Variants in VPS35L observed in about 807,000 individuals in gnomAD.
VPS35L encodes VPS35 endosomal protein-sorting factor-like.
Under a neutral mutation model 133.0 loss-of-function variants are expected in VPS35L, and 83 were observed. The observed-to-expected ratio is 0.62, with a 90% CI of 0.52 to 0.75. The LOEUF (loss-of-function observed/expected upper bound fraction) is 0.75, where lower values mean the gene tolerates loss of function less well. VPS35L is among the 30% of genes least tolerant of loss of function. The pLI is 0.00. For missense variants in VPS35L, 1,083 were observed against 1,206.8 expected, an observed-to-expected ratio of 0.90 and a Z score of 1.52; for synonymous variants, 423 against 449.9, an observed-to-expected ratio of 0.94 and a Z score of 0.76.
intron 27 of VPS35L, among the ~76,000 whole-genome samples, chr16:19,671,691 C>T (rs1240042818): frequency 6.6e-6 from 1 of 151,952 alleles, no homozygotes; most frequent in African/African-American, 2.4e-5. Context: ...GCAGGAGAAT[C>T]GCTTGAACCT....
At chr16:19,645,148 A>G (rs1973899878) in intron 23 of VPS35L, among the ~76,000 whole-genome samples, 199 bp downstream of exon 23, 1 of 151,992 alleles carries the variant, frequency 6.6e-6, no homozygotes, top group African/African-American at 2.4e-5. Context: ...TTAAGAGGAA[A>G]AAGGTGGGGG....
chr16:19,619,846 T>G (rs1333828445), intron 14 of VPS35L, among the ~76,000 whole-genome samples: 4 of 152,166 alleles, frequency 2.6e-5, no homozygotes, highest in Non-Finnish European at 5.9e-5. Context: ...GAAGGTGGTG[T>G]TAAAGGTGCA....
rs1168599151 is a variant in VPS35L, at chr16:19,652,077, G to A, written c.2208G>A (p.Gln736=). The A allele has an allele frequency of 1.3e-6, 2 of 1,596,424 alleles. No individual in the cohort carries two copies. Among genetic ancestry groups the A allele is most frequent in the South Asian group, 1.1e-5 (1 of 89,170 alleles). ...LHSGQVALAN[Q]CLSQADAFFK... ...CTGGTCAGGTGGCCTTGGCCAACCA[G>A]TGCCTCTCCCAAGGTAAGTCCATCA... The change falls in exon 26 of 31, where the codon CAG becomes CAA. Residue 736 remains glutamine (Q), a synonymous_variant. Coordinates refer to ENST00000417362, the MANE Select transcript of VPS35L (RefSeq NM_020314.7).
chr16:19,666,404 A>T (rs188405061), intron 26 of VPS35L, among the ~76,000 whole-genome samples: 111 of 152,354 alleles, frequency 7.3e-4, no homozygotes, highest in Admixed American at 2.6e-3. Context: ...TTAAACTATA[A>T]GGATAAACTG....
At chr16:19,567,232 T>G (rs915063153) in intron 2 of VPS35L, among the ~76,000 whole-genome samples, 11 of 152,158 alleles carry the variant, frequency 7.2e-5, no homozygotes, top group African/African-American at 2.7e-4. Context: ...CATAACAGAA[T>G]AGCTGAGAAG....
In VPS35L at chr16:19,680,946, A is replaced by T. The variant is rs531822293; in HGVS notation, c.2362-1279A>T. On this transcript the variant is annotated intron_variant, in intron 27 of 30. Coordinates refer to ENST00000417362, the MANE Select transcript of VPS35L (RefSeq NM_020314.7). ...CCCTAAAAAAACAGGATGATTTGTG[A>T]TGAAGAGAGAGTAAGAGGACTGCAG... is the stretch of plus-strand genomic sequence containing the variant. Among the ~76,000 whole-genome samples the T allele has an allele frequency of 5.9e-5, 8 of 136,090 alleles. No individual in the cohort carries two copies. The South Asian group carries it at 2.1e-3, about 35-fold the overall frequency. The allele number at this position is 136,090 out of a possible 152,430, so 89.3% of individuals were successfully genotyped here. A position where few individuals can be genotyped will look rare whatever the true frequency, so the allele number is the denominator to read the frequency against.
At position 19,608,957 on chromosome 16, in the gene VPS35L, A is replaced by G; in HGVS notation, c.882-17A>G. ...GACCTTCTGGAAAACATCTTCCTTAACAGGATGTTTTTGTAGTTACGTGGA... is the reference window on the plus strand; with the variant it reads ...GACCTTCTGGAAAACATCTTCCTTAGCAGGATGTTTTTGTAGTTACGTGGA... On this transcript the variant is annotated splice_polypyrimidine_tract_variant and intron_variant, in intron 10 of 30. Transcript: ENST00000417362. The G allele has an allele frequency of 1.2e-6, 2 of 1,611,036 alleles. No homozygotes were observed. Among genetic ancestry groups the G allele is most frequent in the Non-Finnish European group, 1.7e-6 (2 of 1,177,364 alleles).
At chr16:19,557,947 A>G (rs1032043730) in intron 1 of VPS35L, among the ~76,000 whole-genome samples, 3 of 152,074 alleles carry the variant, frequency 2.0e-5, no homozygotes, top group African/African-American at 7.2e-5. Context: ...GCTACTTAGG[A>G]GGCTGAAGTG....
intron 9 of VPS35L, among the ~76,000 whole-genome samples, chr16:19,603,250 T>C (rs1972442367): frequency 6.6e-6 from 1 of 152,168 alleles, no homozygotes; most frequent in Non-Finnish European, 1.5e-5. Context: ...TGCCACCAGC[T>C]ACTGAGAGCC....
chr16:19,562,916 A>G (rs1402847747), intron 1 of VPS35L, among the ~76,000 whole-genome samples: 1 of 151,780 alleles, frequency 6.6e-6, no homozygotes, highest in Non-Finnish European at 1.5e-5. Flanking sequence ...CACCACACCC[A>G]GCAAATTTAT....
At chr16:19,583,947 T>G (rs1440216378) in intron 7 of VPS35L, among the ~76,000 whole-genome samples, 3 of 152,208 alleles carry the variant, frequency 2.0e-5, no homozygotes, top group Non-Finnish European at 4.4e-5. Context: ...CTCCCACATA[T>G]GAGTGAGGAC....
At chr16:19,585,065 A>AC (rs1971822104) in intron 7 of VPS35L, among the ~76,000 whole-genome samples, 1 of 152,322 alleles carries the variant, frequency 6.6e-6, no homozygotes, top group Admixed American at 6.5e-5. Context: ...ACATCATATT[A>AC]CATGTGGGTA....
chr16:19,610,821 G>A (rs1038149494), intron 12 of VPS35L, among the ~76,000 whole-genome samples: 2 of 152,054 alleles, frequency 1.3e-5, no homozygotes, highest in African/African-American at 4.8e-5. Context: ...GGGGAGCAGT[G>A]TCCCACATGA....
At chr16:19,581,913 C>T (rs997784732) in intron 7 of VPS35L, 8 of 497,558 alleles carry the variant, frequency 1.6e-5, no homozygotes, top group Non-Finnish European at 2.5e-5. Flanking sequence ...GGTTACAGAA[C>T]TGATGATACC....
At chr16:19,621,920 G>T (rs1338089809) in intron 14 of VPS35L, among the ~76,000 whole-genome samples, 1 of 152,088 alleles carries the variant, frequency 6.6e-6, no homozygotes, top group East Asian at 1.9e-4. Context: ...ATTTGCCCTA[G>T]TTAATCTTTC....
chr16:19,596,110 G>A (rs1055161018), intron 8 of VPS35L, among the ~76,000 whole-genome samples: 14 of 152,142 alleles, frequency 9.2e-5, no homozygotes, highest in African/African-American at 3.4e-4. Context: ...AGATGGGTCT[G>A]GTTGTTGTCC....
At chr16:19,625,669 G>A (rs1376969259) in intron 14 of VPS35L, among the ~76,000 whole-genome samples, 1 of 152,218 alleles carries the variant, frequency 6.6e-6, no homozygotes, top group Non-Finnish European at 1.5e-5. Flanking sequence ...CCTAGCTTCT[G>A]TTGATTGATC....
Position 19,565,329 on chromosome 16 carries a change from G to A in VPS35L, c.117+379G>A, listed in dbSNP as rs554765701. On this transcript the variant is annotated intron_variant, in intron 2 of 30. Transcript: ENST00000417362. ...CCTCCACCTCACAAAGATTATGGGT[G>A]TGGGCCACCGTGCCCAGCCTGATTT... 1.7e-4 allele frequency among the ~76,000 whole-genome samples: 25 copies of A among 151,464 alleles called. No individual in the cohort carries two copies. In the East Asian group the frequency reaches 4.3e-3, roughly 26 times the overall value.
chr16:19,627,302 C>A (rs908905252), intron 15 of VPS35L, among the ~76,000 whole-genome samples: 2 of 151,224 alleles, frequency 1.3e-5, no homozygotes, highest in Non-Finnish European at 3.0e-5. Context: ...AACAAAAAAA[C>A]CAAAACTCTT....
Sources: allele counts gnomAD v4.1 joint callset (sites outside exome capture counted in the v4.1 genomes callset), GRCh38; gene constraint gnomAD v4.1.1; transcripts MANE v1.5; gene names NCBI Gene and HGNC (gene_info 2026-07-23, HGNC 2026-07-21).